Variants in DENND11 observed in about 807,000 individuals in gnomAD.
DENND11 encodes DENN domain-containing protein 11.
Under a neutral mutation model 49.2 loss-of-function variants are expected in DENND11, and 34 were observed. That is an observed-to-expected ratio of 0.69 (90% CI 0.53 to 0.92). The LOEUF (loss-of-function observed/expected upper bound fraction) is 0.92, where lower values mean the gene tolerates loss of function less well. Ranked by LOEUF, DENND11 falls within the 40% of genes least tolerant of loss-of-function variation. DENND11 has a pLI of 0.00. For synonymous variants in DENND11, 238 were observed against 230.3 expected, an observed-to-expected ratio of 1.03 and a Z score of -0.30; for missense variants, 475 against 581.6, an observed-to-expected ratio of 0.82 and a Z score of 1.88.
chr7:141,685,923 G>C (rs1211107870), intron 2 of DENND11, among the ~76,000 whole-genome samples: 1 of 152,204 alleles, frequency 6.6e-6, no homozygotes, highest in African/African-American at 2.4e-5. Context: ...TAATGACTTG[G>C]ATGGGTGAAG....
At chr7:141,681,157 T>C (rs754451604) in intron 3 of DENND11, among the ~76,000 whole-genome samples, 1 of 152,158 alleles carries the variant, frequency 6.6e-6, no homozygotes, top group Non-Finnish European at 1.5e-5. Flanking sequence ...TCATCTGAAT[T>C]TGTAGCTTTA....
chr7:141,701,246 T>A (rs1798507271), intron 1 of DENND11, among the ~76,000 whole-genome samples: 1 of 152,014 alleles, frequency 6.6e-6, no homozygotes, highest in Non-Finnish European at 1.5e-5. Context: ...TTCAGCTGAA[T>A]CCCTCAGCCC....
At chr7:141,674,670 T>C (rs936548578) in intron 3 of DENND11, among the ~76,000 whole-genome samples, 6 of 152,198 alleles carry the variant, frequency 3.9e-5, no homozygotes, top group African/African-American at 1.4e-4. Flanking sequence ...TTTGTTGTTA[T>C]GGAAGAATAC....
chr7:141,682,402 G>A (rs748120799), intron 3 of DENND11, among the ~76,000 whole-genome samples: 16 of 152,282 alleles, frequency 1.1e-4, no homozygotes, highest in Non-Finnish European at 2.2e-4. Context: ...GTTCTAACTG[G>A]TCACAGGGTC....
chr7:141,686,975 GT>G (rs1014979633), intron 1 of DENND11, among the ~76,000 whole-genome samples: 1 of 152,114 alleles, frequency 6.6e-6, no homozygotes, highest in African/African-American at 2.4e-5. Flanking sequence ...TTCTCTGCAT[GT>G]TTTTTTAACC....
chr7:141,698,081 T>G (rs1374469433), intron 1 of DENND11, among the ~76,000 whole-genome samples: 2 of 152,098 alleles, frequency 1.3e-5, no homozygotes, highest in Admixed American at 1.3e-4. Flanking sequence ...AACGCAGCAG[T>G]GTAAAGTGAA....
At chr7:141,678,606 C>G (rs900524246) in intron 3 of DENND11, among the ~76,000 whole-genome samples, 3 of 152,296 alleles carry the variant, frequency 2.0e-5, no homozygotes, top group Non-Finnish European at 2.9e-5. Flanking sequence ...ACCATTACCA[C>G]TTTTTTCCTA....
At position 141,666,341 on chromosome 7, in the gene DENND11, G is replaced by T. The variant is rs1191365778; in HGVS notation, c.766C>A (p.Arg256=). Residue 256 remains arginine (R), a synonymous_variant, in exon 5 of 9, where the codon CGA becomes AGA. Transcript: ENST00000536163. ...ILILWKFALL[R]KRILIFSPPP... ...GGAGAAAATATCAAAATGCGCTTTC[G>T]AAGTAAGGCAAATTTCCAGAGGATG... is the stretch of plus-strand genomic sequence containing the variant. 3 of 1,613,082 alleles carry T rather than the reference G, an allele frequency of 1.9e-6. No individual in the cohort carries two copies. The highest frequency in any genetic ancestry group is 2.2e-5 in the East Asian group (1 of 44,876).
chr7:141,671,238 G>A (rs1455972909), intron 4 of DENND11, among the ~76,000 whole-genome samples: 1 of 152,124 alleles, frequency 6.6e-6, no homozygotes, highest in Non-Finnish European at 1.5e-5. Context: ...GTGCAGTGGT[G>A]CGATGTTGGC....
chr7:141,697,397 C>T (rs541223504), intron 1 of DENND11, among the ~76,000 whole-genome samples: 33 of 152,262 alleles, frequency 2.2e-4, no homozygotes, highest in Middle Eastern at 6.8e-3. Context: ...AGATTCTACC[C>T]GGGTGGGATT....
chr7:141,667,104 A>G (rs1202229341), intron 4 of DENND11, among the ~76,000 whole-genome samples: 1 of 152,144 alleles, frequency 6.6e-6, no homozygotes, highest in African/African-American at 2.4e-5. Context: ...TATTTTTAGT[A>G]CAGACAGGGT....
intron 3 of DENND11, among the ~76,000 whole-genome samples, chr7:141,681,903 A>G (rs1344173463): frequency 6.6e-6 from 1 of 152,204 alleles, no homozygotes; most frequent in Admixed American, 6.5e-5. Context: ...GCCATGGAGG[A>G]CAATGGACAA....
At chr7:141,673,745 T>A (rs1798020189) in intron 4 of DENND11, among the ~76,000 whole-genome samples, 1 of 152,234 alleles carries the variant, frequency 6.6e-6, no homozygotes, top group Non-Finnish European at 1.5e-5. Context: ...TACTTCTTCA[T>A]CAGACTCTTC....
intron 1 of DENND11, among the ~76,000 whole-genome samples, chr7:141,698,759 C>T (rs796760117): frequency 3.3e-5 from 5 of 152,196 alleles, no homozygotes; most frequent in African/African-American, 1.2e-4. Flanking sequence ...TAACAAGGAT[C>T]CACCCCTCCT....
At chr7:141,665,465 C>A (rs1196735252) in intron 5 of DENND11, 147 bp from the exon 6 acceptor site, 2 of 1,143,344 alleles carry the variant, frequency 1.7e-6, no homozygotes, top group Non-Finnish European at 2.4e-6. Flanking sequence ...CTGGAGGTGG[C>A]AAGCCTTTTG....
chr7:141,685,756 A>T, intron 2 of DENND11, 120 bp from the exon 3 acceptor site: 1 of 1,121,862 alleles, frequency 8.9e-7, no homozygotes, highest in Non-Finnish European at 1.3e-6. Context: ...GCCTCAAGAA[A>T]ACAAGCGGGC....
Position 141,674,226 on chromosome 7 carries a change from G to GAA in DENND11, c.528-8_528-7dup, listed in dbSNP as rs762597654. ...CTGGCATCTCCAACTGGTGCCTGCAGAAAAACACACACACACACACACACA... is the reference window on the plus strand; with the variant it reads ...CTGGCATCTCCAACTGGTGCCTGCAGAAAAAAACACACACACACACACACACA... On this transcript the variant is annotated splice_polypyrimidine_tract_variant and splice_region_variant and intron_variant, in intron 3 of 8. Coordinates refer to ENST00000536163, the MANE Select transcript of DENND11 (RefSeq NM_001080392.2). 1.3e-6 allele frequency: 2 copies of GAA among 1,523,200 alleles called. No homozygotes were observed. The highest frequency in any genetic ancestry group is 1.8e-6 in the Non-Finnish European group (2 of 1,138,126). 94.4% of individuals were successfully genotyped at this position (1,523,200 alleles called of 1,614,324 possible). A position where few individuals can be genotyped will look rare whatever the true frequency, so the allele number is the denominator to read the frequency against.
chr7:141,666,164 G>T, intron 5 of DENND11, 123 bp downstream of exon 5: 1 of 1,068,482 alleles, frequency 9.4e-7, no homozygotes, highest in Non-Finnish European at 1.3e-6. Flanking sequence ...TTCACTCCCG[G>T]GCTTAAAACC....
At chr7:141,667,896 C>T (rs1269653436) in intron 4 of DENND11, among the ~76,000 whole-genome samples, 4 of 152,174 alleles carry the variant, frequency 2.6e-5, no homozygotes, top group Admixed American at 2.0e-4. Flanking sequence ...GTCCTGTTTG[C>T]CACCCACGCC....
Sources: allele counts gnomAD v4.1 joint callset (sites outside exome capture counted in the v4.1 genomes callset), GRCh38; gene constraint gnomAD v4.1.1; transcripts MANE v1.5; gene names NCBI Gene and HGNC (gene_info 2026-07-23, HGNC 2026-07-21).